Variants in CYB5A observed in about 807,000 individuals in gnomAD.
The protein encoded by CYB5A is cytochrome b5.
A neutral mutation model predicts 16.2 loss-of-function variants in CYB5A; 10 were observed. That is an observed-to-expected ratio of 0.62 (90% CI 0.38 to 1.04). CYB5A has a LOEUF of 1.04. Among genes scored for constraint, CYB5A ranks in the 50% least tolerant of loss-of-function variants. The probability of loss-of-function intolerance (pLI) is 0.01; values close to 1 mark genes in which losing one functional copy is unlikely to be tolerated. For missense variants in CYB5A, 161 were observed against 165.9 expected (o/e 0.97, Z 0.16); for synonymous variants, 62 against 57.0 (o/e 1.09, Z -0.40).
In CYB5A at chr18:74,253,212, G is replaced by A. The variant is rs1039804575; in HGVS notation, c.*372C>T. On this transcript the variant is annotated 3_prime_UTR_variant, in exon 5 of 5. Coordinates refer to ENST00000340533, the MANE Select transcript of CYB5A (RefSeq NM_148923.4). The stretch of plus-strand genomic sequence containing the variant: ...TCATATGGCCTCTGTGGGTCTGGAT[G>A]AGTAACACATTGAAGGAATCCTCTA... 4 of 309,380 alleles carry A rather than the reference G, an allele frequency of 1.3e-5. No individual in the cohort carries two copies. Among genetic ancestry groups the A allele is most frequent in the South Asian group, 8.5e-5 (3 of 35,198 alleles). The allele number at this position is 309,380 out of a possible 1,614,324, so 19.2% of individuals were successfully genotyped here.
At chr18:74,271,679 T>G (rs891427445) in intron 1 of CYB5A, among the ~76,000 whole-genome samples, 1 of 152,100 alleles carries the variant, frequency 6.6e-6, no homozygotes, top group Non-Finnish European at 1.5e-5. Flanking sequence ...TGTCTGTGTG[T>G]GCGGTGAGAT....
At chr18:74,284,764 C>G (rs1983255324) in intron 1 of CYB5A, among the ~76,000 whole-genome samples, 1 of 152,200 alleles carries the variant, frequency 6.6e-6, no homozygotes, top group African/African-American at 2.4e-5. Flanking sequence ...CTCGCCCCCT[C>G]CAGAGCCTCC....
At chr18:74,260,820 G>C (rs1982168267) in intron 3 of CYB5A, 95 bp downstream of exon 3, 1 of 999,206 alleles carries the variant, frequency 1.0e-6, no homozygotes, top group Non-Finnish European at 1.6e-6. Flanking sequence ...ACCTGTGCTG[G>C]CATCAGTCAG....
intron 4 of CYB5A, among the ~76,000 whole-genome samples, chr18:74,255,454 G>A (rs1981935747): frequency 6.6e-6 from 1 of 152,214 alleles, no homozygotes; most frequent in South Asian, 2.1e-4. Flanking sequence ...CTGTGGGACT[G>A]GCCGCCTAAG....
chr18:74,256,377 G>A (rs528870502), intron 3 of CYB5A: 6 of 178,736 alleles, frequency 3.4e-5, no homozygotes, highest in South Asian at 2.7e-4. Context: ...TGTGCCCGGC[G>A]TCACACTTGT....
chr18:74,265,650 C>T (rs987700950), intron 1 of CYB5A, among the ~76,000 whole-genome samples: 2 of 152,220 alleles, frequency 1.3e-5, no homozygotes, highest in African/African-American at 4.8e-5. Context: ...GTTACTTTGG[C>T]TCTCAGTTCT....
At chr18:74,255,832 T>C (rs1981956554) in intron 3 of CYB5A, 57 bp from the exon 4 acceptor site, 1 of 1,298,726 alleles carries the variant, frequency 7.7e-7, no homozygotes, top group South Asian at 1.2e-5. Context: ...ACTTATTTCA[T>C]TGACTAAAAT....
chr18:74,276,320 C>A (rs935371263), intron 1 of CYB5A, among the ~76,000 whole-genome samples: 14 of 152,248 alleles, frequency 9.2e-5, no homozygotes, highest in African/African-American at 3.4e-4. Context: ...CAGTTCCCCC[C>A]ACCTTTTTTT....
chr18:74,283,796 C>T (rs1242021487), intron 1 of CYB5A, among the ~76,000 whole-genome samples: 4 of 152,172 alleles, frequency 2.6e-5, no homozygotes, highest in African/African-American at 4.8e-5. Context: ...TCGCAGCGCC[C>T]GCAGCCTGGA....
At chr18:74,258,077 T>C (rs1982058780) in intron 3 of CYB5A, 1 of 152,188 alleles carries the variant, frequency 6.6e-6, no homozygotes, top group Non-Finnish European at 1.5e-5. Flanking sequence ...ACGTAAACTT[T>C]AGTGGGAAGC....
chr18:74,270,604 A>G (rs541580510), intron 1 of CYB5A, among the ~76,000 whole-genome samples: 1 of 152,256 alleles, frequency 6.6e-6, no homozygotes, highest in Admixed American at 6.5e-5. Context: ...AGGAAAAAAA[A>G]CTGCTTCTGT....
At chr18:74,291,087 G>A (rs958225548) in intron 1 of CYB5A, 1 of 163,972 alleles carries the variant, frequency 6.1e-6, no homozygotes, top group African/African-American at 2.4e-5. Context: ...CCGCAAGGTC[G>A]GCCAGTGGCT....
At chr18:74,258,811 G>A (rs1206664053) in intron 3 of CYB5A, 1 of 152,224 alleles carries the variant, frequency 6.6e-6, no homozygotes, top group Non-Finnish European at 1.5e-5. Flanking sequence ...AAAATACTCA[G>A]AAGTTAGTTA....
At position 74,253,145 on chromosome 18, in the gene CYB5A, G is replaced by A. The variant is rs529603112; in HGVS notation, c.*439C>T. 21 of 212,426 alleles carry A rather than the reference G, an allele frequency of 9.9e-5. No individual in the cohort carries two copies. Among genetic ancestry groups the A allele is most frequent in the South Asian group, 9.0e-4 (13 of 14,422 alleles). 13.2% of individuals were successfully genotyped at this position (212,426 alleles called of 1,614,324 possible). ...ACATGGTTACTCAATGAGATGTGAC[G>A]ATGTGAAAGGAGACACTCAAACCTA... On this transcript the variant is annotated 3_prime_UTR_variant, in exon 5 of 5. Transcript: ENST00000340533.
At chr18:74,283,090 C>T (rs1450616148) in intron 1 of CYB5A, among the ~76,000 whole-genome samples, 1 of 152,152 alleles carries the variant, frequency 6.6e-6, no homozygotes, top group Non-Finnish European at 1.5e-5. Flanking sequence ...ACAAGAGAGG[C>T]CACACCAGGG....
intron 3 of CYB5A, chr18:74,257,060 G>A: frequency 1.8e-6 from 1 of 559,554 alleles, no homozygotes. Flanking sequence ...AGCTATTAGA[G>A]GACACAATCA....
intron 3 of CYB5A, chr18:74,258,078 A>G (rs1982058937): frequency 6.6e-6 from 1 of 152,208 alleles, no homozygotes; most frequent in Non-Finnish European, 1.5e-5. Context: ...CGTAAACTTT[A>G]GTGGGAAGCC....
At position 74,291,814 on chromosome 18, in the gene CYB5A, T is replaced by A; in HGVS notation, c.62A>T (p.Asn21Ile). The part of the protein sequence containing the change: ...YYTLEEIQKH[N>I]HSKSTWLILH... ...GATCAGCCAGGTGCTCTTGCTGTGG[T>A]TGTGCTTCTGAATCTCCTCTAGGGT... The change falls in exon 1 of 5, where the codon AAC becomes ATC. Residue 21 changes from asparagine (N) to isoleucine (I), a missense_variant. Coordinates refer to ENST00000340533, the MANE Select transcript of CYB5A (RefSeq NM_148923.4). The A allele has an allele frequency of 1.2e-6, 2 of 1,613,910 alleles. No homozygotes were observed. The highest frequency in any genetic ancestry group is 1.7e-6 in the Non-Finnish European group (2 of 1,179,858).
chr18:74,258,302 C>T (rs983296863), intron 3 of CYB5A: 1 of 152,178 alleles, frequency 6.6e-6, no homozygotes, highest in Non-Finnish European at 1.5e-5. Flanking sequence ...CAAATAACTT[C>T]TACAAGAATG....
Sources: gnomAD v4.1 joint callset for allele counts (sites outside exome capture counted in the v4.1 genomes callset) on GRCh38, gnomAD v4.1.1 for gene constraint, MANE v1.5 for transcripts, NCBI Gene and HGNC (gene_info 2026-07-23, HGNC 2026-07-21) for gene names.